The following YJU2B variants were observed in gnomAD, a reference collection of about 807,000 sequenced individuals.
YJU2B encodes probable splicing factor YJU2B.
YJU2B carries 18 observed loss-of-function variants against 38.0 expected under a neutral mutation model. The observed-to-expected ratio is 0.47, with a 90% CI of 0.33 to 0.70. The LOEUF is 0.70. YJU2B is among the 30% of genes least tolerant of loss of function. The probability of loss-of-function intolerance (pLI) is 0.02; values close to 1 mark genes in which losing one functional copy is unlikely to be tolerated. For missense variants in YJU2B, 538 were observed against 556.3 expected (o/e 0.97, Z 0.33); for synonymous variants, 246 against 225.4 (o/e 1.09, Z -0.82).
At chr19:13,734,956 T>G (rs1049173117) in intron 2 of YJU2B, among the ~76,000 whole-genome samples, 1 of 152,168 alleles carries the variant, frequency 6.6e-6, no homozygotes, top group African/African-American at 2.4e-5. Flanking sequence ...CCCAGTTGGA[T>G]TATATGAAAC....
chr19:13,758,898 C>G lies in YJU2B; in HGVS notation c.288C>G (p.Asn96Lys). 1.9e-6 allele frequency: 3 copies of G among 1,613,896 alleles called. No homozygotes were observed. The highest frequency in any genetic ancestry group is 2.5e-6 in the Non-Finnish European group (3 of 1,179,992). Residue 96 changes from asparagine (N) to lysine (K), a missense_variant, in exon 7 of 10, where the codon AAC becomes AAG. Coordinates refer to ENST00000221554, the MANE Select transcript of YJU2B (RefSeq NM_030818.4). The stretch of plus-strand genomic sequence containing the variant: ...GGATGAAATGCCACCTCTGTGTCAA[C>G]TACATCGAGATGCAGACGGACCCCG... Reference protein sequence around the residue: ...RFRMKCHLCVNYIEMQTDPAN... With the variant: ...RFRMKCHLCVKYIEMQTDPAN...
At chr19:13,740,365 C>T (rs1368712148) in intron 2 of YJU2B, among the ~76,000 whole-genome samples, 1 of 152,054 alleles carries the variant, frequency 6.6e-6, no homozygotes, top group African/African-American at 2.4e-5. Flanking sequence ...GCACGTGCCA[C>T]TATGCCTGGC....
chr19:13,762,859 G>A lies in YJU2B; in HGVS notation c.982G>A (p.Asp328Asn). The A allele has an allele frequency of 6.2e-7, 1 of 1,608,304 alleles. No homozygotes were observed. The highest frequency in any genetic ancestry group is 2.2e-5 in the East Asian group (1 of 44,716). ...GCGGGTACCAGAGGAGGCTGCCCAGGACCGGCCCATGTCCCCCGGAGACTG... is the reference window on the plus strand; with the variant it reads ...GCGGGTACCAGAGGAGGCTGCCCAGAACCGGCCCATGTCCCCCGGAGACTG... ...EPRVPEEAAQ[D>N]RPMSPGDCPP... The change falls in exon 10 of 10, where the codon GAC (aspartate) becomes AAC (asparagine). Residue 328 changes from aspartate (D) to asparagine (N), a missense_variant. Physicochemically the swap from Asp to Asn is conservative, Grantham distance 23. Coordinates refer to ENST00000221554, the MANE Select transcript of YJU2B (RefSeq NM_030818.4).
chr19:13,739,132 A>G (rs419728), intron 2 of YJU2B, among the ~76,000 whole-genome samples: 95,202 of 151,936 alleles, frequency 0.63, 30,120 homozygotes, highest in Middle Eastern at 0.73. Context: ...GCACTCAAAT[A>G]CATATAGCCC....
chr19:13,743,742 A>C (rs1362695646), upstream of YJU2B, among the ~76,000 whole-genome samples: 427 of 110,508 alleles, frequency 3.9e-3, no homozygotes, highest in Middle Eastern at 0.043. Flanking sequence ...AAAATACAAA[A>C]ATTAGCCGGA....
At chr19:13,751,541 G>T (rs1244053759) in intron 1 of YJU2B, 67 bp from the exon 2 acceptor site, 20 of 490,486 alleles carry the variant, frequency 4.1e-5, no homozygotes, top group Non-Finnish European at 7.3e-5. Flanking sequence ...GCCACAGAGG[G>T]ATGAAAGTGT....
At chr19:13,738,446 T>C (rs1218948482) in intron 2 of YJU2B, among the ~76,000 whole-genome samples, 4 of 152,176 alleles carry the variant, frequency 2.6e-5, no homozygotes, top group Non-Finnish European at 5.9e-5. Flanking sequence ...TTTCTTGTGT[T>C]GAGTTCCTTT....
At chr19:13,747,677 G>T (rs1199649990), upstream of YJU2B, 3 of 152,438 alleles carry the variant, frequency 2.0e-5, no homozygotes, top group Non-Finnish European at 4.4e-5. Flanking sequence ...TGGGAGGGCG[G>T]TGCCAGGAGG....
intron 2 of YJU2B, among the ~76,000 whole-genome samples, chr19:13,753,568 C>T (rs1193252404): frequency 5.0e-5 from 5 of 99,304 alleles, no homozygotes; most frequent in African/African-American, 2.2e-4. Context: ...GAGTGAAACT[C>T]TGTCTCAAAA....
Position 13,763,040 on chromosome 19 carries a change from C to T in YJU2B, c.1163C>T (p.Ala388Val), listed in dbSNP as rs1354646264. 1.9e-6 allele frequency: 3 copies of T among 1,570,312 alleles called. No homozygotes were observed. Among genetic ancestry groups the T allele is most frequent in the East Asian group, 2.2e-5 (1 of 44,490 alleles). ...HPCSLGSSLV[A>V]DYSDSESE ...TGCAGTCTCGGCTCCTCCCTCGTGG[C>T]GGACTACTCCGACTCGGAGAGTGAG... The change falls in exon 10 of 10, where the codon GCG becomes GTG. Residue 388 changes from alanine (A) to valine (V), a missense_variant. Physicochemically the swap from Ala to Val is moderately conservative, Grantham distance 64. This residue lies in a region of YJU2B where 488 missense variants were observed against 469.5 expected (regional missense o/e 1.04). Coordinates refer to ENST00000221554, the MANE Select transcript of YJU2B (RefSeq NM_030818.4).
intron 2 of YJU2B, among the ~76,000 whole-genome samples, chr19:13,752,144 G>A (rs933990177): frequency 7.2e-5 from 11 of 151,878 alleles, no homozygotes; most frequent in Non-Finnish European, 1.6e-4. Context: ...TAGTAGAGAC[G>A]GGGTTTTGCC....
intron 3 of YJU2B, among the ~76,000 whole-genome samples, chr19:13,755,721 C>T (rs1973641118): frequency 6.6e-6 from 1 of 151,906 alleles, no homozygotes; most frequent in African/African-American, 2.4e-5. Context: ...TTTGGGAGGC[C>T]GAGGCAAGTG....
At chr19:13,745,223 T>C (rs1973199366), upstream of YJU2B, among the ~76,000 whole-genome samples, 1 of 152,150 alleles carries the variant, frequency 6.6e-6, no homozygotes, top group South Asian at 2.1e-4. Flanking sequence ...TCTATGAGAT[T>C]ATGCATGTGT....
intron 3 of YJU2B, 70 bp from the exon 4 acceptor site, chr19:13,756,127 G>C (rs1973657017): frequency 8.2e-7 from 1 of 1,212,322 alleles, no homozygotes; most frequent in Middle Eastern, 1.9e-4. Flanking sequence ...CCAAAGCAGT[G>C]GGGGTGGCAG....
Position 13,762,935 on chromosome 19 carries a change from A to G in YJU2B, c.1058A>G (p.Glu353Gly). The change falls in exon 10 of 10, where the codon GAA (glutamate) becomes GGA (glycine). Residue 353 changes from glutamate (E) to glycine (G), a missense_variant. By Grantham distance (98) the Glu-to-Gly change is moderately conservative. Coordinates refer to ENST00000221554, the MANE Select transcript of YJU2B (RefSeq NM_030818.4). ...AAGTGCAGCAGCCCGAGGGGGCAGG[A>G]AGGGAGCCGTCAGGACAAGCCCCTG... ...TPKCSSPRGQ[E>G]GSRQDKPLSP... The G allele has an allele frequency of 6.2e-7, 1 of 1,611,972 alleles. No homozygotes were observed. Among genetic ancestry groups the G allele is most frequent in the Non-Finnish European group, 8.5e-7 (1 of 1,179,806 alleles).
chr19:13,737,653 CGA>C, intron 2 of YJU2B, among the ~76,000 whole-genome samples: 1 of 149,812 alleles, frequency 6.7e-6, no homozygotes, highest in Non-Finnish European at 1.5e-5. Flanking sequence ...GGCATGGCGG[CGA>C]GCGCCTGTAA....
At position 13,754,278 on chromosome 19, in the gene YJU2B, C is replaced by T. The variant is rs1568290215; in HGVS notation, c.4-11C>T. The stretch of plus-strand genomic sequence containing the variant: ...CCTCTCTCTGAGTCATGTCTCTGTT[C>T]TGCTTTGCAGGGTGAAAGGAAAGGG... On this transcript the variant is annotated splice_polypyrimidine_tract_variant and intron_variant, in intron 2 of 9. Transcript: ENST00000221554. The T allele has an allele frequency of 1.2e-6, 2 of 1,610,866 alleles. No individual in the cohort carries two copies.
upstream of YJU2B, among the ~76,000 whole-genome samples, chr19:13,743,619 G>A (rs978269918): frequency 1.2e-4 from 16 of 135,704 alleles, no homozygotes; most frequent in African/African-American, 1.9e-4. Flanking sequence ...AAGCCTGGGC[G>A]CAGTGGCTCA....
chr19:13,753,135 C>A (rs528206004), intron 2 of YJU2B, among the ~76,000 whole-genome samples: 1 of 152,300 alleles, frequency 6.6e-6, no homozygotes, highest in Admixed American at 6.5e-5. Context: ...GCCCAAGTAG[C>A]CCTTCCCCAA....
Sources: allele counts gnomAD v4.1 joint callset (sites outside exome capture counted in the v4.1 genomes callset), GRCh38; gene constraint gnomAD v4.1.1; regional missense constraint gnomAD v4.1.1; transcripts MANE v1.5; gene names NCBI Gene and HGNC (gene_info 2026-07-23, HGNC 2026-07-21).